Variants in TNS1 observed in about 807,000 individuals in gnomAD.
TNS1 encodes the protein tensin-1.
TNS1 carries 62 observed loss-of-function variants against 168.6 expected under a neutral mutation model. The ratio of observed to expected loss-of-function variants is 0.37; its 90% CI spans 0.30 to 0.45. TNS1 has a LOEUF of 0.45. Among genes scored for constraint, TNS1 ranks in the 20% least tolerant of loss-of-function variants. TNS1 has a pLI of 1.00. For missense variants in TNS1, 2,240 were observed against 2,339.4 expected (o/e 0.96, Z 0.88); for synonymous variants, 934 against 933.2 (o/e 1.00, Z -0.02).
intron 18 of TNS1, among the ~76,000 whole-genome samples, chr2:217,861,688 G>A (rs1042808425): frequency 6.6e-6 from 1 of 152,200 alleles, no homozygotes; most frequent in Non-Finnish European, 1.5e-5. Context: ...TTCCTTATCT[G>A]TAAAATGGGT....
At position 217,818,200 on chromosome 2, in the gene TNS1, G is replaced by A. The variant is rs140195511; in HGVS notation, c.4132C>T (p.Arg1378Trp). The A allele has an allele frequency of 1.1e-5, 17 of 1,613,884 alleles. No individual in the cohort carries two copies. The highest frequency in any genetic ancestry group is 8.3e-5 in the Admixed American group (5 of 60,022). ...TTGCCTTGGTGAGCCCCAGGGTGCC[G>A]GCCCAGGCTGGGACTCCCCGGGGTG... Reference protein sequence around the residue: ...ATTPGSPSLGRHPGAHQGNLA... With the variant: ...ATTPGSPSLGWHPGAHQGNLA... Residue 1378 changes from arginine (R) to tryptophan (W), a missense_variant, in exon 24 of 33, where the codon CGG becomes TGG. This residue lies in a region of TNS1 where 2,131 missense variants were observed against 2,171.2 expected (regional missense o/e 0.98). Transcript: ENST00000682258.
At chr2:217,805,620 T>C (rs879071794) in intron 32 of TNS1, among the ~76,000 whole-genome samples, 943 of 8,378 alleles carry the variant, frequency 0.11, no homozygotes, top group African/African-American at 0.16. Flanking sequence ...ACCACACACA[T>C]ACACACCATC....
chr2:217,880,755 G>T lies in TNS1; in HGVS notation c.1429+143C>A. ...GTGCCTTATCTTCCCCCAGTTAACG[G>T]TGAGCTCTCGGAGGTACCTCACACT... is the stretch of plus-strand genomic sequence containing the variant. On this transcript the variant is annotated intron_variant, in intron 18 of 32. Coordinates refer to ENST00000682258, the MANE Select transcript of TNS1 (RefSeq NM_001387777.1). This position sits in a 1 kb window ranked among gnomAD's most constrained non-coding sequence, Gnocchi z 4.2. The T allele has an allele frequency of 1.5e-6, 1 of 665,468 alleles. No homozygotes were observed. Among genetic ancestry groups the T allele is most frequent in the Non-Finnish European group, 2.7e-6 (1 of 372,462 alleles). 41.2% of individuals were successfully genotyped at this position (665,468 alleles called of 1,614,324 possible). A position where few individuals can be genotyped will look rare whatever the true frequency, so the allele number is the denominator to read the frequency against.
At chr2:218,031,014 GTA>G (rs1243744733) in intron 1 of TNS1, among the ~76,000 whole-genome samples, 7 of 146,420 alleles carry the variant, frequency 4.8e-5, no homozygotes, top group South Asian at 2.4e-4. Flanking sequence ...GTGTGGGAGT[GTA>G]TGTGTGTATG....
At position 217,895,295 on chromosome 2, in the gene TNS1, T is replaced by C. The variant is rs559686298; in HGVS notation, c.544-239A>G. Among the ~76,000 whole-genome samples the C allele has an allele frequency of 7.2e-5, 11 of 152,204 alleles. No individual in the cohort carries two copies. The South Asian group carries it at 1.5e-3, about 20-fold the overall frequency. On this transcript the variant is annotated intron_variant, in intron 8 of 32. Coordinates refer to ENST00000682258, the MANE Select transcript of TNS1 (RefSeq NM_001387777.1). ...GCCTGCTCTCGCTCTCTCTCCCCGA[T>C]AGGAATTCTATCCATACGTGAACAT...
chr2:218,010,129 G>A, exon 1 of TNS1: 1 of 399,268 alleles, frequency 2.5e-6, no homozygotes, highest in Non-Finnish European at 4.4e-6. Context: ...CGCAGGGGCA[G>A]GAGGCACGAG....
chr2:217,984,469 C>T (rs2126066304), intron 2 of TNS1, among the ~76,000 whole-genome samples: 1 of 151,814 alleles, frequency 6.6e-6, no homozygotes, highest in Admixed American at 6.6e-5. Flanking sequence ...CTTATATGCA[C>T]CCAACTCTTT....
upstream of TNS1, among the ~76,000 whole-genome samples, chr2:218,005,642 G>A (rs528100266): frequency 1.3e-5 from 2 of 152,326 alleles, no homozygotes; most frequent in African/African-American, 4.8e-5. Flanking sequence ...GGGCAAGGAC[G>A]TGTCCTGTGT....
intron 4 of TNS1, among the ~76,000 whole-genome samples, chr2:217,910,347 C>G (rs1954224949): frequency 6.6e-6 from 1 of 152,108 alleles, no homozygotes; most frequent in African/African-American, 2.4e-5. Flanking sequence ...CCCCCTGCAC[C>G]ATCTAAACAT....
upstream of TNS1, chr2:218,003,027 A>AC: frequency 5.4e-6 from 2 of 368,704 alleles, no homozygotes; most frequent in Non-Finnish European, 1.1e-5. Flanking sequence ...CCTCCAGCTC[A>AC]CCCTCCCTCC....
In TNS1 at chr2:217,817,919, G is replaced by A; in HGVS notation, c.4413C>T (p.Ala1471=). The change falls in exon 24 of 33, where the codon GCC becomes GCT. Residue 1471 remains alanine, a synonymous_variant. Coordinates refer to ENST00000682258, the MANE Select transcript of TNS1 (RefSeq NM_001387777.1). ...PAYYPGLSSP[A]TSPSPDSAAF... is the part of the protein sequence containing the mutation. ...CTGCGGAGTCTGGTGACGGGGAGGT[G>A]GCAGGGCTGCTCAGGCCAGGGTAGT... The A allele has an allele frequency of 1.2e-6, 2 of 1,613,688 alleles. No individual in the cohort carries two copies. Among genetic ancestry groups the A allele is most frequent in the Non-Finnish European group, 1.7e-6 (2 of 1,179,838 alleles).
chr2:218,004,117 G>A (rs943903316), upstream of TNS1, among the ~76,000 whole-genome samples: 10 of 152,264 alleles, frequency 6.6e-5, 2 homozygotes, highest in South Asian at 4.1e-4. Flanking sequence ...TGAATCACCC[G>A]CTCTGTTCTT....
intron 22 of TNS1, among the ~76,000 whole-genome samples, chr2:217,828,806 C>T (rs1243621759): frequency 6.6e-6 from 1 of 152,220 alleles, no homozygotes; most frequent in Non-Finnish European, 1.5e-5. Flanking sequence ...ACGGTGAGTC[C>T]ATAGATTTCC....
chr2:217,964,484 C>T (rs1035289848), intron 3 of TNS1, among the ~76,000 whole-genome samples: 29 of 152,210 alleles, frequency 1.9e-4, no homozygotes, highest in African/African-American at 5.1e-4. Flanking sequence ...GCTGTGTGAG[C>T]GCACTGCTCA....
chr2:217,848,226 C>A lies in TNS1; in HGVS notation c.2291G>T (p.Ser764Ile), dbSNP rs768272522. The A allele has an allele frequency of 1.9e-6, 3 of 1,580,466 alleles. No individual in the cohort carries two copies. The highest frequency in any genetic ancestry group is 2.6e-6 in the Non-Finnish European group (3 of 1,164,078). ...LPPAPVRGGS[S>I]REAVQRGLNS... is the part of the protein sequence containing the mutation. ...CAGTCCCCTTTGCACAGCCTCCCGG[C>A]TGCTTCCCCCTCGGACCGGAGCTGG... The change falls in exon 19 of 33, where the codon AGC (serine) becomes ATC (isoleucine). Residue 764 changes from serine to isoleucine, a missense_variant. By Grantham distance (142) the Ser-to-Ile change is moderately radical. Coordinates refer to ENST00000682258, the MANE Select transcript of TNS1 (RefSeq NM_001387777.1).
intron 1 of TNS1, chr2:217,992,309 G>T (rs919729079): frequency 2.0e-5 from 3 of 152,420 alleles, no homozygotes; most frequent in Non-Finnish European, 2.9e-5. Flanking sequence ...ACACGTGGGC[G>T]CACACACAGA....
Position 217,954,128 on chromosome 2 carries a change from G to A in TNS1, c.186+24637C>T, listed in dbSNP as rs192701056. Among the ~76,000 whole-genome samples the A allele has an allele frequency of 6.4e-3, 971 of 152,298 alleles. 12 individuals are homozygous for A. Among genetic ancestry groups the A allele is most frequent in the African/African-American group, 0.022 (924 of 41,566 alleles). On this transcript the variant is annotated intron_variant, in intron 3 of 32. Transcript: ENST00000682258. The stretch of plus-strand genomic sequence containing the variant: ...GCTCTCCTTGTCTCTCCAGCCTGGC[G>A]AGGTGCTGCCTCCCCAAACTTCTAA...
chr2:217,921,184 C>T (rs999585782), intron 3 of TNS1, among the ~76,000 whole-genome samples: 2 of 152,194 alleles, frequency 1.3e-5, no homozygotes, highest in Non-Finnish European at 2.9e-5. Context: ...CTAGCCAGGA[C>T]ACGTTTTTCT....
At chr2:217,965,002 G>A (rs1279686220) in intron 3 of TNS1, among the ~76,000 whole-genome samples, 1 of 152,188 alleles carries the variant, frequency 6.6e-6, no homozygotes, top group Admixed American at 6.5e-5. Flanking sequence ...AAGATCCTTG[G>A]CAGGGCGGAG....
Sources: allele counts gnomAD v4.1 joint callset (sites outside exome capture counted in the v4.1 genomes callset), GRCh38; gene constraint gnomAD v4.1.1; regional missense constraint gnomAD v4.1.1; non-coding constraint Gnocchi (gnomAD v3.1); transcripts MANE v1.5; gene names NCBI Gene and HGNC (gene_info 2026-07-23, HGNC 2026-07-21).